ECPAS: variants seen among roughly 807,000 people sequenced by gnomAD.
The protein encoded by ECPAS is Ecm29 proteasome adaptor and scaffold.
In ECPAS, 70 loss-of-function variants were observed where a neutral mutation model predicts 255.1. The observed-to-expected ratio is 0.27, with a 90% CI of 0.23 to 0.33. ECPAS has a LOEUF of 0.33. Ranked by LOEUF, ECPAS falls within the 10% of genes least tolerant of loss-of-function variation. The pLI, the probability that ECPAS is intolerant of heterozygous loss-of-function variation, is 1.00. For synonymous variants in ECPAS, 784 were observed against 775.0 expected (o/e 1.01, Z -0.19); for missense variants, 1,817 against 2,206.4 (o/e 0.82, Z 3.54).
At chr9:111,457,494 A>T (rs2098268368) in intron 2 of ECPAS, among the ~76,000 whole-genome samples, 1 of 152,200 alleles carries the variant, frequency 6.6e-6, no homozygotes, top group African/African-American at 2.4e-5. Context: ...CTGCCATTGT[A>T]ACAGGAGGGA....
chr9:111,476,208 G>A (rs1184385114), intron 1 of ECPAS, among the ~76,000 whole-genome samples: 2 of 152,208 alleles, frequency 1.3e-5, no homozygotes, highest in African/African-American at 4.8e-5. Context: ...TTCTAAGGAT[G>A]CCTTATAATT....
chr9:111,474,053 C>A (rs1194935526), intron 1 of ECPAS, among the ~76,000 whole-genome samples: 2 of 152,174 alleles, frequency 1.3e-5, no homozygotes, highest in Non-Finnish European at 2.9e-5. Context: ...CAAGTTAGGT[C>A]CCTTGTTCAA....
chr9:111,372,389 A>G, intron 42 of ECPAS, 40 bp downstream of exon 42: 1 of 1,563,122 alleles, frequency 6.4e-7, no homozygotes, highest in Non-Finnish European at 8.7e-7. Context: ...TCTAGCTGTG[A>G]TTCCTAAGAA....
intron 31 of ECPAS, among the ~76,000 whole-genome samples, chr9:111,388,625 CT>C (rs1479768540): frequency 6.6e-6 from 1 of 151,644 alleles, no homozygotes; most frequent in Admixed American, 6.6e-5. Flanking sequence ...TTAAAAATTA[CT>C]TTTGCTACTA....
intron 27 of ECPAS, among the ~76,000 whole-genome samples, 164 bp downstream of exon 27, chr9:111,393,516 T>C (rs139050739): frequency 2.6e-4 from 40 of 152,338 alleles, no homozygotes; most frequent in Admixed American, 5.2e-4. Context: ...TTTTGGTTTC[T>C]AAACATTAAC....
chr9:111,383,442 T>C, intron 34 of ECPAS, 110 bp from the exon 35 acceptor site: 6 of 1,347,968 alleles, frequency 4.5e-6, no homozygotes, highest in Non-Finnish European at 6.0e-6. Flanking sequence ...AATAAGTGAA[T>C]CTACTTTCTC....
At chr9:111,440,906 T>C (rs2098244908) in intron 5 of ECPAS, among the ~76,000 whole-genome samples, 1 of 152,224 alleles carries the variant, frequency 6.6e-6, no homozygotes, top group Non-Finnish European at 1.5e-5. Flanking sequence ...GGCTCATGCC[T>C]GTAATCCCAG....
intron 1 of ECPAS, among the ~76,000 whole-genome samples, chr9:111,483,149 G>A (rs1296889494): frequency 1.3e-5 from 2 of 152,132 alleles, no homozygotes; most frequent in Admixed American, 1.3e-4. Flanking sequence ...AGACGGGACG[G>A]GCGGACACTG....
At chr9:111,366,701 AG>A in intron 46 of ECPAS, 74 bp from the exon 47 acceptor site, 1 of 895,484 alleles carries the variant, frequency 1.1e-6, no homozygotes, top group Non-Finnish European at 1.8e-6. Flanking sequence ...AATGAGGGAC[AG>A]GCAGAGAGAG....
intron 24 of ECPAS, among the ~76,000 whole-genome samples, chr9:111,406,839 T>G (rs1378077719): frequency 6.7e-6 from 1 of 148,950 alleles, no homozygotes; most frequent in Non-Finnish European, 1.5e-5. Flanking sequence ...GGAGATGTAA[T>G]GTACTCCAGC....
chr9:111,465,600 A>AAT (rs60965961), intron 2 of ECPAS, among the ~76,000 whole-genome samples: 2,154 of 148,960 alleles, frequency 0.014, 28 homozygotes, highest in Middle Eastern at 0.021. Context: ...TTTTTAAAAG[A>AAT]ATATATATAT....
intron 9 of ECPAS, among the ~76,000 whole-genome samples, chr9:111,429,979 G>T (rs141814703): frequency 1.0e-3 from 153 of 152,302 alleles, no homozygotes; most frequent in African/African-American, 3.6e-3. Flanking sequence ...GCTTTAGAAG[G>T]ACCTATCTTT....
intron 2 of ECPAS, among the ~76,000 whole-genome samples, chr9:111,468,705 T>TGTGTGTGTG (rs1554803199): frequency 1.3e-5 from 2 of 151,984 alleles, no homozygotes; most frequent in Admixed American, 6.6e-5. Context: ...TGTGTGTGTG[T>TGTGTGTGTG]TTCACGTCCA....
At chr9:111,460,471 C>T (rs1240678287) in intron 2 of ECPAS, among the ~76,000 whole-genome samples, 1 of 151,948 alleles carries the variant, frequency 6.6e-6, no homozygotes, top group African/African-American at 2.4e-5. Context: ...ATTTGTACTG[C>T]AAATTTTATT....
At position 111,394,474 on chromosome 9, in the gene ECPAS, C is replaced by G. The variant is rs538549279; in HGVS notation, c.2777-169G>C. ...GAATCAATAATTATCCACTCTAGAACCTAGTGTAAACAAAATTACATTTCA... is the reference window on the plus strand; with the variant it reads ...GAATCAATAATTATCCACTCTAGAAGCTAGTGTAAACAAAATTACATTTCA... On this transcript the variant is annotated intron_variant, in intron 25 of 49. Coordinates refer to ENST00000684092, the MANE Select transcript of ECPAS (RefSeq NM_001364929.1). Among the ~76,000 whole-genome samples, 38 of 152,258 alleles carry G rather than the reference C, an allele frequency of 2.5e-4. 2 individuals carry two copies. The South Asian group carries it at 7.7e-3, about 31-fold the overall frequency.
intron 20 of ECPAS, 140 bp from the exon 21 acceptor site, chr9:111,412,288 G>A: frequency 1.3e-6 from 1 of 747,918 alleles, no homozygotes; most frequent in Non-Finnish European, 1.9e-6. Context: ...AAAACAAAAT[G>A]AAAGCTGAAT....
At chr9:111,400,567 G>A (rs145868739) in intron 24 of ECPAS, among the ~76,000 whole-genome samples, 7 of 152,222 alleles carry the variant, frequency 4.6e-5, no homozygotes, top group African/African-American at 1.7e-4. Context: ...ACTTATAAGA[G>A]AAATTTAGTA....
At chr9:111,366,434 GT>G in intron 47 of ECPAS, 87 bp downstream of exon 47, 1 of 1,283,388 alleles carries the variant, frequency 7.8e-7, no homozygotes, top group Non-Finnish European at 1.1e-6. Flanking sequence ...TTAGCTACCA[GT>G]TTTTAAATGT....
chr9:111,408,727 C>T (rs1351826900), intron 23 of ECPAS, 55 bp from the exon 24 acceptor site: 3 of 1,053,372 alleles, frequency 2.8e-6, no homozygotes, highest in Non-Finnish European at 1.4e-6. Context: ...AGCTTTACCC[C>T]AGTGCAGTAT....
Sources: allele counts gnomAD v4.1 joint callset (sites outside exome capture counted in the v4.1 genomes callset), GRCh38; gene constraint gnomAD v4.1.1; transcripts MANE v1.5; gene names NCBI Gene and HGNC (gene_info 2026-07-23, HGNC 2026-07-21).